LMCD1: variants seen among roughly 807,000 people sequenced by gnomAD.
LMCD1 encodes LIM and cysteine-rich domains protein 1.
A neutral mutation model predicts 42.7 loss-of-function variants in LMCD1; 32 were observed. The ratio of observed to expected loss-of-function variants is 0.75; its 90% CI spans 0.57 to 1.01. The LOEUF is 1.01. Among genes scored for constraint, LMCD1 ranks in the 50% least tolerant of loss-of-function variants. The pLI, the probability that LMCD1 is intolerant of heterozygous loss-of-function variation, is 0.00. For missense variants in LMCD1, 458 were observed against 483.1 expected (o/e 0.95, Z 0.49); for synonymous variants, 178 against 184.9 (o/e 0.96, Z 0.30).
chr3:8,502,065 G>GTAA (rs1276546413), intron 1 of LMCD1, 85 bp downstream of exon 1: 8 of 1,275,626 alleles, frequency 6.3e-6, no homozygotes, highest in Non-Finnish European at 8.9e-6. Flanking sequence ...TTCCCAAAAG[G>GTAA]TAATGAGAAG....
rs183722882 is a variant in LMCD1, at chr3:8,538,409, A to G, written c.387+969A>G. ...AATTTGTAGAAGGTTCAACAATTTTAAAAATGCAAGCATGGCATTTAATTG... is the reference window on the plus strand; with the variant it reads ...AATTTGTAGAAGGTTCAACAATTTTGAAAATGCAAGCATGGCATTTAATTG... On this transcript the variant is annotated intron_variant, in intron 3 of 5. Transcript: ENST00000157600. Among the ~76,000 whole-genome samples, 6 of 152,370 alleles carry G rather than the reference A, an allele frequency of 3.9e-5. No individual in the cohort carries two copies. In the East Asian group the frequency reaches 1.2e-3, roughly 29 times the overall value.
In LMCD1 at chr3:8,567,479, G is replaced by T. The variant is rs1695148633; in HGVS notation, c.979G>T (p.Ala327Ser). Residue 327 changes from alanine (A) to serine (S), a missense_variant, in exon 6 of 6, where the codon GCC becomes TCC. Transcript: ENST00000157600. ...GGACTACCAGCGTGTGGAAGATCTG[G>T]CCTGGCACCGAAAGCACTTTGTCTG... ...AEDYQRVEDL[A>S]WHRKHFVCEG... 6.2e-7 allele frequency: 1 copy of T among 1,613,750 alleles called. No homozygotes were observed. Among genetic ancestry groups the T allele is most frequent in the African/African-American group, 1.3e-5 (1 of 74,816 alleles).
rs991396975 is a variant in LMCD1 at position 8,574,512 on chromosome 3, C to A, written c.*6914C>A. ...CGGAAGCTCACACAGGAGGCCTGGA[C>A]AGAGCTGCAGCAGAGCCAGGAGAGA... On this transcript the variant is annotated 3_prime_UTR_variant, in exon 6 of 6. Coordinates refer to ENST00000157600, the MANE Select transcript of LMCD1 (RefSeq NM_014583.4). 6.6e-6 allele frequency: 1 copy of A among 152,196 alleles called. No individual in the cohort carries two copies. Among genetic ancestry groups the A allele is most frequent in the Non-Finnish European group, 1.5e-5 (1 of 68,078 alleles). The allele number at this position is 152,196 out of a possible 1,614,324, so 9.4% of individuals were successfully genotyped here.
intron 4 of LMCD1, among the ~76,000 whole-genome samples, chr3:8,563,123 C>T (rs948109093): frequency 5.3e-5 from 8 of 152,152 alleles, no homozygotes; most frequent in Non-Finnish European, 1.2e-4. Context: ...TACTATGTGC[C>T]TGGCACCGAG....
intron 3 of LMCD1, among the ~76,000 whole-genome samples, chr3:8,537,949 C>G (rs1290279951): frequency 1.3e-5 from 2 of 152,122 alleles, no homozygotes; most frequent in Non-Finnish European, 2.9e-5. Flanking sequence ...CCAGAGAAAT[C>G]TCAAGTAAAT....
intron 4 of LMCD1, among the ~76,000 whole-genome samples, chr3:8,562,897 T>C (rs1049318886): frequency 3.9e-5 from 6 of 152,192 alleles, no homozygotes; most frequent in African/African-American, 1.4e-4. Flanking sequence ...TCAGTAAACA[T>C]GGATGAGCCC....
At chr3:8,521,581 G>T (rs1443960570) in intron 1 of LMCD1, among the ~76,000 whole-genome samples, 1 of 152,188 alleles carries the variant, frequency 6.6e-6, no homozygotes, top group Non-Finnish European at 1.5e-5. Context: ...TGTTCCAAGA[G>T]TTGCAAACCC....
At chr3:8,509,848 C>A (rs531865553) in intron 1 of LMCD1, among the ~76,000 whole-genome samples, 11 of 152,276 alleles carry the variant, frequency 7.2e-5, no homozygotes, top group Admixed American at 4.6e-4. Context: ...GGGAAGAAAC[C>A]ACCAGTGGCA....
intron 1 of LMCD1, among the ~76,000 whole-genome samples, chr3:8,504,281 G>A (rs975125444): frequency 2.0e-5 from 3 of 152,298 alleles, no homozygotes; most frequent in African/African-American, 7.2e-5. Context: ...TCAGCAACAC[G>A]CTGAAAAGCT....
intron 4 of LMCD1, among the ~76,000 whole-genome samples, chr3:8,552,152 A>G (rs1221882476): frequency 6.6e-6 from 1 of 152,226 alleles, no homozygotes; most frequent in African/African-American, 2.4e-5. Flanking sequence ...TGCCTGAACC[A>G]AGGACAGGAC....
chr3:8,549,889 G>T, intron 4 of LMCD1: 1 of 753,796 alleles, frequency 1.3e-6, no homozygotes, highest in Admixed American at 2.0e-5. Flanking sequence ...AGTCCCACTC[G>T]TGTGATAACC....
chr3:8,519,853 T>C (rs1426956966), intron 1 of LMCD1, among the ~76,000 whole-genome samples: 1 of 152,116 alleles, frequency 6.6e-6, no homozygotes, highest in Non-Finnish European at 1.5e-5. Context: ...AAGTGGTATT[T>C]TACCATCAAG....
chr3:8,567,220 AT>A (rs148408320), intron 5 of LMCD1, among the ~76,000 whole-genome samples: 1 of 152,016 alleles, frequency 6.6e-6, no homozygotes, highest in Admixed American at 6.5e-5. Context: ...GTAGTGGAGG[AT>A]TTTTTTTATT....
intron 4 of LMCD1, 29 bp downstream of exon 4, chr3:8,548,932 C>T: frequency 6.8e-7 from 1 of 1,463,712 alleles, no homozygotes. Flanking sequence ...TCCAGCCAGG[C>T]TGAAACCATG....
intron 3 of LMCD1, among the ~76,000 whole-genome samples, chr3:8,537,799 C>G (rs1694540865): frequency 6.6e-6 from 1 of 152,076 alleles, no homozygotes; most frequent in South Asian, 2.1e-4. Flanking sequence ...ATTCATTTTC[C>G]CTTGAAGTAG....
intron 1 of LMCD1, among the ~76,000 whole-genome samples, chr3:8,502,444 A>G (rs1223366940): frequency 8.7e-6 from 1 of 115,358 alleles, no homozygotes; most frequent in African/African-American, 3.4e-5. Context: ...ATGGTCTGTA[A>G]AGGAAAAACC....
At chr3:8,561,359 GATAATA>G (rs889875076) in intron 4 of LMCD1, among the ~76,000 whole-genome samples, 2 of 148,926 alleles carry the variant, frequency 1.3e-5, no homozygotes, top group African/African-American at 2.5e-5. Flanking sequence ...AAATTCAAAA[GATAATA>G]ATAATTGAGC....
At chr3:8,545,824 G>C (rs867483315) in intron 3 of LMCD1, among the ~76,000 whole-genome samples, 7 of 152,184 alleles carry the variant, frequency 4.6e-5, no homozygotes, top group Admixed American at 2.0e-4. Flanking sequence ...GATTTGAAAA[G>C]AGAAAAGCCA....
chr3:8,551,693 C>T (rs1694841753), intron 4 of LMCD1, among the ~76,000 whole-genome samples: 1 of 152,172 alleles, frequency 6.6e-6, no homozygotes, highest in Admixed American at 6.5e-5. Context: ...TGACAGGCCA[C>T]AGACAGTGTG....
Sources: allele counts gnomAD v4.1 joint callset (sites outside exome capture counted in the v4.1 genomes callset), GRCh38; gene constraint gnomAD v4.1.1; transcripts MANE v1.5; gene names NCBI Gene and HGNC (gene_info 2026-07-23, HGNC 2026-07-21).